Variants in GABRB2 observed in about 807,000 individuals in gnomAD.
The protein encoded by GABRB2 is gamma-aminobutyric acid receptor subunit beta-2.
In GABRB2, 16 loss-of-function variants were observed where a neutral mutation model predicts 54.7. The ratio of observed to expected loss-of-function variants is 0.29; its 90% CI spans 0.20 to 0.44. The LOEUF is 0.44. Ranked by LOEUF, GABRB2 falls within the 20% of genes least tolerant of loss-of-function variation. The pLI, the probability that GABRB2 is intolerant of heterozygous loss-of-function variation, is 1.00. For missense variants in GABRB2, 355 were observed against 644.0 expected (o/e 0.55, Z 4.86); for synonymous variants, 244 against 233.8 (o/e 1.04, Z -0.40).
chr5:161,532,041 A>G (rs1760478931), intron 3 of GABRB2, among the ~76,000 whole-genome samples: 1 of 152,108 alleles, frequency 6.6e-6, no homozygotes, highest in African/African-American at 2.4e-5. Flanking sequence ...CTTACTATAC[A>G]TCTTCACGCA....
intron 5 of GABRB2, among the ~76,000 whole-genome samples, chr5:161,366,090 C>G (rs569319119): frequency 6.7e-6 from 1 of 150,286 alleles, no homozygotes; most frequent in Non-Finnish European, 1.5e-5. Flanking sequence ...TAAGTTGGCA[C>G]TTTTATGTCA....
chr5:161,485,763 A>G (rs1368966123), intron 3 of GABRB2, among the ~76,000 whole-genome samples: 3 of 151,932 alleles, frequency 2.0e-5, no homozygotes, highest in Non-Finnish European at 4.4e-5. Flanking sequence ...AAGCTAGGTC[A>G]ATGGTCAGTG....
At chr5:161,481,485 G>A (rs763084733) in intron 3 of GABRB2, among the ~76,000 whole-genome samples, 5 of 152,100 alleles carry the variant, frequency 3.3e-5, no homozygotes, top group Admixed American at 2.0e-4. Context: ...CTTCCCCAAA[G>A]TGAAGCTGTA....
rs188177717 is a variant in GABRB2, at chr5:161,542,274, G to C, written c.237+2953C>G. Among the ~76,000 whole-genome samples, 119 of 152,216 alleles carry C rather than the reference G, an allele frequency of 7.8e-4. 1 individual carries two copies. The highest frequency in any genetic ancestry group is 2.6e-3 in the African/African-American group (110 of 41,564). On this transcript the variant is annotated intron_variant, in intron 3 of 9. Coordinates refer to ENST00000393959, the MANE Select transcript of GABRB2 (RefSeq NM_001371727.1). ...GTGATAATTACCAAAATGTGACACA[G>C]AGACACAAAGTGAACACATGCTACT...
At chr5:161,474,567 C>A (rs2962415) in intron 3 of GABRB2, among the ~76,000 whole-genome samples, 1 of 151,948 alleles carries the variant, frequency 6.6e-6, no homozygotes, top group African/African-American at 2.4e-5. Flanking sequence ...TGGCAATTTA[C>A]TTTTTATTAT....
At chr5:161,453,562 T>A (rs372017070) in intron 4 of GABRB2, among the ~76,000 whole-genome samples, 1 of 152,304 alleles carries the variant, frequency 6.6e-6, no homozygotes, top group Admixed American at 6.5e-5. Context: ...TGCTGGTGAC[T>A]TCATTTTGGA....
chr5:161,542,874 C>A (rs1639124874), intron 3 of GABRB2, among the ~76,000 whole-genome samples: 1 of 152,158 alleles, frequency 6.6e-6, no homozygotes, highest in African/African-American at 2.4e-5. Flanking sequence ...TACAACACAC[C>A]ATAAACATCT....
intron 5 of GABRB2, among the ~76,000 whole-genome samples, chr5:161,360,422 A>G (rs1271197641): frequency 6.6e-6 from 1 of 152,232 alleles, no homozygotes; most frequent in Admixed American, 6.5e-5. Context: ...ATCAATAAAA[A>G]TGGCATCTGC....
chr5:161,293,851 A>G lies in GABRB2; in HGVS notation c.*230T>C, dbSNP rs1314637522. 4 of 524,202 alleles carry G rather than the reference A, an allele frequency of 7.6e-6. No homozygotes were observed. Among genetic ancestry groups the G allele is most frequent in the Non-Finnish European group, 1.4e-5 (4 of 292,778 alleles). 32.5% of individuals were successfully genotyped at this position (524,202 alleles called of 1,614,324 possible). A position where few individuals can be genotyped will look rare whatever the true frequency, so the allele number is the denominator to read the frequency against. On this transcript the variant is annotated 3_prime_UTR_variant, in exon 10 of 10. Transcript: ENST00000393959. ...GGAGCACTCAGGCTGTCTAGCCACC[A>G]TGTGTAAAAATCACTTGCGTTTTAA...
chr5:161,331,626 GAGTACAC>G (rs761124494), intron 7 of GABRB2, among the ~76,000 whole-genome samples: 1 of 152,154 alleles, frequency 6.6e-6, no homozygotes, highest in Non-Finnish European at 1.5e-5. Flanking sequence ...ATTTGGGGGA[GAGTACAC>G]AGTCCATTAC....
At chr5:161,419,082 G>A (rs1490235636) in intron 4 of GABRB2, among the ~76,000 whole-genome samples, 4 of 152,124 alleles carry the variant, frequency 2.6e-5, no homozygotes, top group African/African-American at 9.7e-5. Flanking sequence ...AGCCTTGGTT[G>A]AGACACTGCA....
intron 9 of GABRB2, among the ~76,000 whole-genome samples, chr5:161,323,915 T>C (rs148469683): frequency 1.1e-4 from 16 of 152,340 alleles, no homozygotes; most frequent in Admixed American, 6.5e-4. Context: ...TTTAGAGTCA[T>C]ATAACTTTGA....
chr5:161,305,153 A>C (rs1042770179), intron 9 of GABRB2, among the ~76,000 whole-genome samples: 1 of 151,242 alleles, frequency 6.6e-6, no homozygotes, highest in Non-Finnish European at 1.5e-5. Flanking sequence ...AGTAGCTGGG[A>C]CTACAGGCGC....
chr5:161,506,463 T>C (rs1029643633), intron 3 of GABRB2, among the ~76,000 whole-genome samples: 7 of 152,150 alleles, frequency 4.6e-5, no homozygotes, highest in African/African-American at 1.7e-4. Context: ...GTTGAAGGGC[T>C]TACATTATCT....
intron 5 of GABRB2, among the ~76,000 whole-genome samples, chr5:161,403,985 C>T (rs1314338622): frequency 6.6e-6 from 1 of 152,062 alleles, no homozygotes; most frequent in Non-Finnish European, 1.5e-5. Context: ...AAAGAATTTC[C>T]TTGTGTTATT....
chr5:161,516,171 T>C (rs972945879), intron 3 of GABRB2, among the ~76,000 whole-genome samples: 2 of 152,204 alleles, frequency 1.3e-5, no homozygotes, highest in Non-Finnish European at 2.9e-5. Context: ...CCTAAATAAA[T>C]TAAAGACTTT....
At chr5:161,453,457 G>A (rs1331829067) in intron 4 of GABRB2, among the ~76,000 whole-genome samples, 1 of 152,112 alleles carries the variant, frequency 6.6e-6, no homozygotes, top group South Asian at 2.1e-4. Flanking sequence ...TGGGATTAGT[G>A]CCCATAGTTT....
intron 3 of GABRB2, among the ~76,000 whole-genome samples, chr5:161,477,324 A>T (rs914134171): frequency 4.0e-5 from 6 of 150,324 alleles, no homozygotes; most frequent in Non-Finnish European, 7.4e-5. Context: ...GTTGATGAAG[A>T]TGTGGAGAAA....
intron 3 of GABRB2, among the ~76,000 whole-genome samples, chr5:161,541,817 G>C (rs1171049959): frequency 6.6e-6 from 1 of 152,164 alleles, no homozygotes; most frequent in Non-Finnish European, 1.5e-5. Flanking sequence ...TATCTTTCAT[G>C]TGTTCACTGG....
Sources: gnomAD v4.1 joint callset for allele counts (sites outside exome capture counted in the v4.1 genomes callset) on GRCh38, gnomAD v4.1.1 for gene constraint, MANE v1.5 for transcripts, NCBI Gene and HGNC (gene_info 2026-07-23, HGNC 2026-07-21) for gene names.